Variants in GRID2 observed in about 807,000 individuals in gnomAD.
GRID2 encodes glutamate receptor ionotropic, delta-2.
Under a neutral mutation model 114.8 loss-of-function variants are expected in GRID2, and 33 were observed. The ratio of observed to expected loss-of-function variants is 0.29; its 90% CI spans 0.22 to 0.38. GRID2 has a LOEUF of 0.38. Ranked by LOEUF, GRID2 falls within the 10% of genes least tolerant of loss-of-function variation. The pLI is 1.00. For synonymous variants in GRID2, 505 were observed against 449.9 expected (o/e 1.12, Z -1.55); for missense variants, 1,184 against 1,257.7 (o/e 0.94, Z 0.89).
chr4:93,337,634 A>G (rs530523350), intron 8 of GRID2, among the ~76,000 whole-genome samples: 16 of 152,232 alleles, frequency 1.1e-4, no homozygotes, highest in African/African-American at 3.9e-4. Flanking sequence ...TCTTCTCTAT[A>G]TAAGCATCCT....
chr4:92,533,482 TACAC>T (rs1553946625), intron 1 of GRID2, among the ~76,000 whole-genome samples: 1 of 147,108 alleles, frequency 6.8e-6, no homozygotes, highest in Non-Finnish European at 1.5e-5. Flanking sequence ...CATACATACA[TACAC>T]ACACAGGGTA....
At chr4:93,088,599 T>C (rs1578954262) in intron 3 of GRID2, among the ~76,000 whole-genome samples, 1 of 152,200 alleles carries the variant, frequency 6.6e-6, no homozygotes, top group African/African-American at 2.4e-5. Context: ...TTAATAGTAT[T>C]TCAAGAGGCA....
intron 13 of GRID2, among the ~76,000 whole-genome samples, chr4:93,611,378 G>C (rs1282287418): frequency 1.1e-5 from 1 of 88,446 alleles, no homozygotes; most frequent in Non-Finnish European, 2.1e-5. Flanking sequence ...GTTTGCTCTT[G>C]CTTTTCTAGT....
At chr4:92,884,220 CT>C (rs1746214160) in intron 2 of GRID2, among the ~76,000 whole-genome samples, 1 of 152,180 alleles carries the variant, frequency 6.6e-6, no homozygotes, top group African/African-American at 2.4e-5. Flanking sequence ...TATCTTCTGA[CT>C]TTTCTTTTGC....
chr4:93,683,773 C>T (rs1041952832), intron 14 of GRID2, among the ~76,000 whole-genome samples: 1 of 151,876 alleles, frequency 6.6e-6, no homozygotes, highest in African/African-American at 2.4e-5. Context: ...AAAGTATAAG[C>T]TATCCACAAT....
At chr4:93,261,223 A>G (rs981359487) in intron 8 of GRID2, among the ~76,000 whole-genome samples, 1 of 151,910 alleles carries the variant, frequency 6.6e-6, no homozygotes, top group Non-Finnish European at 1.5e-5. Context: ...AAGGAGCTCA[A>G]AAATCTGTGT....
chr4:92,407,340 C>T (rs866173961), intron 1 of GRID2, among the ~76,000 whole-genome samples: 15 of 152,184 alleles, frequency 9.9e-5, no homozygotes, highest in South Asian at 2.1e-4. Flanking sequence ...TGTTGATGGG[C>T]GCATAGGTTG....
intron 2 of GRID2, among the ~76,000 whole-genome samples, chr4:92,688,298 C>T (rs1003795505): frequency 1.3e-5 from 2 of 151,832 alleles, no homozygotes; most frequent in African/African-American, 4.8e-5. Flanking sequence ...GATCTGCCCT[C>T]CTCAACCTCC....
At chr4:93,386,976 C>T (rs895241121) in intron 8 of GRID2, among the ~76,000 whole-genome samples, 2 of 152,150 alleles carry the variant, frequency 1.3e-5, no homozygotes, top group African/African-American at 4.8e-5. Flanking sequence ...CAACTCCCGT[C>T]AGACACTGCA....
intron 7 of GRID2, among the ~76,000 whole-genome samples, chr4:93,233,810 G>A (rs1176039656): frequency 6.6e-6 from 1 of 152,120 alleles, no homozygotes; most frequent in Non-Finnish European, 1.5e-5. Flanking sequence ...TGGGCCATGG[G>A]ATGGATAGAA....
At chr4:92,676,243 C>G (rs1560526438) in intron 2 of GRID2, among the ~76,000 whole-genome samples, 1 of 11,376 alleles carries the variant, frequency 8.8e-5, no homozygotes, top group Non-Finnish European at 1.5e-4. Context: ...TGCAGTGGCG[C>G]TATCTCGGCT....
At chr4:92,802,417 C>G (rs111364212) in intron 2 of GRID2, among the ~76,000 whole-genome samples, 3 of 151,944 alleles carry the variant, frequency 2.0e-5, no homozygotes, top group African/African-American at 7.2e-5. Context: ...GAAATTGTTT[C>G]ACTGCCCTAA....
chr4:93,625,708 G>T (rs1429207266), intron 13 of GRID2, among the ~76,000 whole-genome samples: 1 of 152,218 alleles, frequency 6.6e-6, no homozygotes, highest in Non-Finnish European at 1.5e-5. Context: ...GAGGTCAGGA[G>T]ATTGAGACCA....
chr4:92,794,529 T>C (rs573844737), intron 2 of GRID2, among the ~76,000 whole-genome samples: 11 of 151,952 alleles, frequency 7.2e-5, no homozygotes, highest in African/African-American at 2.7e-4. Flanking sequence ...AATCATTTCA[T>C]AAATTGATAT....
At chr4:93,144,880 A>G (rs1244709635) in intron 4 of GRID2, among the ~76,000 whole-genome samples, 1 of 152,196 alleles carries the variant, frequency 6.6e-6, no homozygotes, top group African/African-American at 2.4e-5. Context: ...CTGCTTGCAG[A>G]GACAAGGGCA....
At chr4:92,768,594 G>A (rs1400665717) in intron 2 of GRID2, among the ~76,000 whole-genome samples, 2 of 152,132 alleles carry the variant, frequency 1.3e-5, no homozygotes, top group Non-Finnish European at 2.9e-5. Context: ...CAGAGACTGG[G>A]TAATTTACAA....
At chr4:93,538,423 A>C (rs1044930404) in intron 13 of GRID2, among the ~76,000 whole-genome samples, 5 of 151,858 alleles carry the variant, frequency 3.3e-5, no homozygotes, top group African/African-American at 1.2e-4. Context: ...TGGGAGAAGA[A>C]ACAAATATTT....
intron 2 of GRID2, among the ~76,000 whole-genome samples, chr4:92,914,476 T>C (rs2149494169): frequency 6.6e-6 from 1 of 152,222 alleles, no homozygotes; most frequent in South Asian, 2.1e-4. Context: ...ATAGGTAAAC[T>C]TGTGTCATGG....
intron 8 of GRID2, among the ~76,000 whole-genome samples, chr4:93,279,255 C>T (rs1421928931): frequency 2.0e-5 from 3 of 151,628 alleles, no homozygotes; most frequent in Admixed American, 1.3e-4. Context: ...AATTACATAT[C>T]TAAATTATTC....
Sources: allele counts gnomAD v4.1 joint callset (sites outside exome capture counted in the v4.1 genomes callset), GRCh38; gene constraint gnomAD v4.1.1; transcripts MANE v1.5; gene names NCBI Gene and HGNC (gene_info 2026-07-23, HGNC 2026-07-21).